RGS7: variants seen among roughly 807,000 people sequenced by gnomAD.
RGS7 encodes regulator of G-protein signaling 7.
RGS7 carries 27 observed loss-of-function variants against 81.1 expected under a neutral mutation model. The observed-to-expected ratio is 0.33, with a 90% CI of 0.25 to 0.46. The LOEUF (loss-of-function observed/expected upper bound fraction) is 0.46. Ranked by LOEUF, RGS7 falls within the 20% of genes least tolerant of loss-of-function variation. RGS7 has a pLI of 1.00. For synonymous variants in RGS7, 208 were observed against 207.7 expected (o/e 1.00, Z -0.01); for missense variants, 396 against 607.4 (o/e 0.65, Z 3.66).
chr1:240,936,547 A>G (rs1473557199), intron 5 of RGS7, 53 bp downstream of exon 5: 2 of 1,375,148 alleles, frequency 1.5e-6, no homozygotes, highest in Non-Finnish European at 2.1e-6. Flanking sequence ...CTAACTAACA[A>G]ACGAAATGCG....
At chr1:241,204,406 T>A (rs2073739291) in intron 2 of RGS7, among the ~76,000 whole-genome samples, 1 of 152,188 alleles carries the variant, frequency 6.6e-6, no homozygotes, top group African/African-American at 2.4e-5. Context: ...GTGTGCAAGT[T>A]CTTAAAATAT....
chr1:241,284,370 T>A (rs1294757188), intron 2 of RGS7, among the ~76,000 whole-genome samples: 1 of 151,646 alleles, frequency 6.6e-6, no homozygotes, highest in Non-Finnish European at 1.5e-5. Flanking sequence ...TGGCCTCCAA[T>A]GCCACCTAGG....
At position 241,270,267 on chromosome 1, in the gene RGS7, G is replaced by A. The variant is rs139388761; in HGVS notation, c.78+85432C>T. Among the ~76,000 whole-genome samples, 540 of 152,252 alleles carry A rather than the reference G, an allele frequency of 3.5e-3. 11 individuals carry two copies. The highest frequency in any genetic ancestry group is 0.032 in the Admixed American group (485 of 15,302). ...TCCTATTGAACTTCAGTTAGTCCAG[G>A]TGGAGTGGGGCTCTCGGTCTAGGAT... On this transcript the variant is annotated intron_variant, in intron 2 of 18. Transcript: ENST00000440928.
intron 4 of RGS7, among the ~76,000 whole-genome samples, chr1:240,975,400 TAAACAAAC>T (rs143065066): frequency 5.2e-4 from 78 of 150,786 alleles, no homozygotes; most frequent in African/African-American, 1.3e-3. Flanking sequence ...AGACTTCGTC[TAAACAAAC>T]AAACAAACAA....
intron 11 of RGS7, among the ~76,000 whole-genome samples, chr1:240,815,812 A>G (rs756783145): frequency 3.3e-4 from 51 of 152,344 alleles, no homozygotes; most frequent in Admixed American, 1.3e-4. Context: ...AAAAAGAGGT[A>G]GTGTATAGCA....
intron 2 of RGS7, among the ~76,000 whole-genome samples, chr1:241,187,898 G>A (rs2072269099): frequency 6.6e-6 from 1 of 152,140 alleles, no homozygotes; most frequent in Non-Finnish European, 1.5e-5. Context: ...CTACTTCACT[G>A]ATTGCATTGC....
chr1:240,811,603 G>T (rs1247938338), intron 14 of RGS7, among the ~76,000 whole-genome samples: 1 of 152,120 alleles, frequency 6.6e-6, no homozygotes, highest in African/African-American at 2.4e-5. Flanking sequence ...AATGTTATTG[G>T]CCAATCTCCA....
intron 2 of RGS7, among the ~76,000 whole-genome samples, chr1:241,319,110 A>G (rs1444611934): frequency 6.6e-6 from 1 of 152,174 alleles, no homozygotes; most frequent in East Asian, 1.9e-4. Context: ...CACCATAACC[A>G]TTTCTTACCC....
chr1:241,279,384 T>A (rs1398732000), intron 2 of RGS7, among the ~76,000 whole-genome samples: 2 of 152,204 alleles, frequency 1.3e-5, no homozygotes, highest in Admixed American at 1.3e-4. Context: ...GTAAACATGC[T>A]CAGTGTTGAA....
At chr1:241,002,612 C>T (rs1441440722) in intron 3 of RGS7, among the ~76,000 whole-genome samples, 5 of 152,090 alleles carry the variant, frequency 3.3e-5, no homozygotes, top group African/African-American at 1.2e-4. Flanking sequence ...GTTTTAATTG[C>T]CCACTTAGAC....
chr1:240,810,161 GC>G, intron 14 of RGS7, among the ~76,000 whole-genome samples: 1 of 152,134 alleles, frequency 6.6e-6, no homozygotes, highest in Non-Finnish European at 1.5e-5. Context: ...CTAACTCTGG[GC>G]TAGGCATCCC....
intron 2 of RGS7, among the ~76,000 whole-genome samples, chr1:241,222,315 G>A (rs978240854): frequency 1.3e-5 from 2 of 152,190 alleles, no homozygotes; most frequent in African/African-American, 4.8e-5. Flanking sequence ...CTTTGAGAAA[G>A]TACTCATACT....
At chr1:240,856,671 G>A (rs1661186193) in intron 9 of RGS7, among the ~76,000 whole-genome samples, 1 of 152,114 alleles carries the variant, frequency 6.6e-6, no homozygotes, top group East Asian at 1.9e-4. Flanking sequence ...CATGTGGGGT[G>A]TCCATACAAC....
intron 14 of RGS7, among the ~76,000 whole-genome samples, chr1:240,811,017 G>A (rs917553224): frequency 4.6e-5 from 7 of 152,192 alleles, no homozygotes; most frequent in Non-Finnish European, 1.0e-4. Context: ...ACATCTTTCT[G>A]AATGGTTTGG....
intron 3 of RGS7, among the ~76,000 whole-genome samples, chr1:241,016,578 A>G (rs375743621): frequency 6.6e-6 from 1 of 151,768 alleles, no homozygotes; most frequent in East Asian, 1.9e-4. Context: ...CAAAAAAAAA[A>G]CCCCATAACA....
chr1:241,001,623 A>G (rs1250271622), intron 3 of RGS7, among the ~76,000 whole-genome samples: 1 of 152,216 alleles, frequency 6.6e-6, no homozygotes, highest in Non-Finnish European at 1.5e-5. Context: ...ATGAACTACC[A>G]AGCCATGAGG....
At chr1:240,897,034 C>T (rs2148176619) in intron 6 of RGS7, among the ~76,000 whole-genome samples, 1 of 152,212 alleles carries the variant, frequency 6.6e-6, no homozygotes. Flanking sequence ...GTATTTTATT[C>T]TCTTTGAAGC....
intron 3 of RGS7, among the ~76,000 whole-genome samples, chr1:241,054,166 A>G (rs2061376742): frequency 6.6e-6 from 1 of 152,226 alleles, no homozygotes; most frequent in African/African-American, 2.4e-5. Context: ...TAAGGAAAGA[A>G]CATATAACAC....
chr1:241,227,557 ACT>A (rs1288183205), intron 2 of RGS7, among the ~76,000 whole-genome samples: 2 of 119,492 alleles, frequency 1.7e-5, no homozygotes, highest in African/African-American at 6.5e-5. Flanking sequence ...ACACAGTGAG[ACT>A]CTGTCTCTAC....
Sources: allele counts gnomAD v4.1 joint callset (sites outside exome capture counted in the v4.1 genomes callset), GRCh38; gene constraint gnomAD v4.1.1; transcripts MANE v1.5; gene names NCBI Gene and HGNC (gene_info 2026-07-23, HGNC 2026-07-21).